The following ROBO2 variants were observed in gnomAD, a reference collection of about 807,000 sequenced individuals.
ROBO2 encodes the protein roundabout guidance receptor 2.
Under a neutral mutation model 160.8 loss-of-function variants are expected in ROBO2, and 53 were observed. The observed-to-expected ratio is 0.33, with a 90% CI of 0.26 to 0.41. The LOEUF is 0.41. Ranked by LOEUF, ROBO2 falls within the 10% of genes least tolerant of loss-of-function variation. The pLI, the probability that ROBO2 is intolerant of heterozygous loss-of-function variation, is 1.00. For missense variants in ROBO2, 1,577 were observed against 1,722.4 expected, an observed-to-expected ratio of 0.92 and a Z score of 1.49; for synonymous variants, 664 against 611.7, an observed-to-expected ratio of 1.09 and a Z score of -1.26.
At chr3:76,586,630 C>T (rs1231858353) in intron 2 of ROBO2, among the ~76,000 whole-genome samples, 2 of 152,200 alleles carry the variant, frequency 1.3e-5, no homozygotes, top group African/African-American at 4.8e-5. Context: ...CTTAATCTGA[C>T]ATTCCTCAAT....
At chr3:76,056,191 G>A (rs971605379) in intron 2 of ROBO2, among the ~76,000 whole-genome samples, 4 of 152,066 alleles carry the variant, frequency 2.6e-5, no homozygotes, top group African/African-American at 7.2e-5. Context: ...TAAAGTATAC[G>A]GGAGGATGCG....
intron 1 of ROBO2, among the ~76,000 whole-genome samples, chr3:77,042,893 C>A (rs1027460664): frequency 3.3e-5 from 5 of 152,124 alleles, no homozygotes; most frequent in Admixed American, 2.0e-4. Flanking sequence ...GTGAAAAATG[C>A]CAAAATTGAG....
chr3:76,075,627 C>G lies in ROBO2; in HGVS notation c.109+138025C>G, dbSNP rs1401815764. 2.0e-5 allele frequency among the ~76,000 whole-genome samples: 3 copies of G among 152,156 alleles called. No homozygotes were observed. In the South Asian group the frequency reaches 6.2e-4, roughly 31 times the overall value. On this transcript the variant is annotated intron_variant, in intron 2 of 26. Coordinates refer to the ROBO2 transcript ENST00000487694. Reference sequence around the variant, plus strand: ...TTTTTAAACCAGGTATCACTCCATTCAAATCAGTGATTCGCTGTAGTATCC... The same window carrying G: ...TTTTTAAACCAGGTATCACTCCATTGAAATCAGTGATTCGCTGTAGTATCC...
intron 2 of ROBO2, among the ~76,000 whole-genome samples, chr3:77,281,893 G>A (rs1040041933): frequency 1.3e-5 from 2 of 152,100 alleles, no homozygotes; most frequent in African/African-American, 2.4e-5. Flanking sequence ...ATCTAATGCC[G>A]CTGCTGATCT....
chr3:76,999,326 C>T (rs4855967), intron 2 of ROBO2, among the ~76,000 whole-genome samples: 85,126 of 151,614 alleles, frequency 0.56, 24,147 homozygotes, highest in East Asian at 0.8. Flanking sequence ...AAGGTTATTA[C>T]GAAATAAAAG....
intron 2 of ROBO2, among the ~76,000 whole-genome samples, chr3:76,323,173 A>ACACACACACACACC (rs1185191053): frequency 1.3e-5 from 2 of 150,972 alleles, no homozygotes; most frequent in South Asian, 2.1e-4. Flanking sequence ...ACACACACAC[A>ACACACACACACACC]CACCCCTAAA....
chr3:77,562,682 C>T lies in ROBO2; in HGVS notation c.1469C>T (p.Ala490Val). The change falls in exon 10 of 26, where the codon GCT becomes GTT. Residue 490 changes from alanine (A) to valine (V), a missense_variant. Around this residue, in one of 2 missense-constraint regions of ROBO2, gnomAD observed 940 missense variants for 1,135.5 expected, o/e 0.83. Transcript: ENST00000461745. ...GATACTGGCACTTATACTTGTGTGG[C>T]TACAAGTTCAAGTGGAGAGACTTCC... 2.5e-6 allele frequency: 4 copies of T among 1,612,382 alleles called. No individual in the cohort carries two copies. In the East Asian group the frequency reaches 8.9e-5, roughly 36 times the overall value.
intron 2 of ROBO2, among the ~76,000 whole-genome samples, chr3:76,789,802 T>C (rs1160293961): frequency 1.3e-5 from 2 of 151,624 alleles, no homozygotes; most frequent in Non-Finnish European, 3.0e-5. Context: ...AGGAATGTCA[T>C]GTATTAAGTC....
At chr3:77,496,578 A>G (rs1582462630) in intron 5 of ROBO2, among the ~76,000 whole-genome samples, 2 of 152,152 alleles carry the variant, frequency 1.3e-5, no homozygotes, top group African/African-American at 2.4e-5. Flanking sequence ...GGTGTGGTGC[A>G]TGACATTTCT....
chr3:76,062,107 A>G (rs2068087439), intron 2 of ROBO2, among the ~76,000 whole-genome samples: 1 of 152,138 alleles, frequency 6.6e-6, no homozygotes, highest in South Asian at 2.1e-4. Flanking sequence ...TGTGCTATGT[A>G]ACCTAACACA....
intron 2 of ROBO2, among the ~76,000 whole-genome samples, chr3:76,460,895 A>G (rs985400742): frequency 9.2e-5 from 14 of 152,236 alleles, no homozygotes; most frequent in Non-Finnish European, 1.8e-4. Flanking sequence ...AGTGATTAAG[A>G]CTGTGATAGC....
intron 2 of ROBO2, among the ~76,000 whole-genome samples, chr3:76,609,857 T>C (rs1038766461): frequency 6.6e-6 from 1 of 152,222 alleles, no homozygotes; most frequent in Non-Finnish European, 1.5e-5. Flanking sequence ...TGTGGGTCTG[T>C]CACATGTGGT....
chr3:77,103,238 C>T (rs1286092104), intron 2 of ROBO2, among the ~76,000 whole-genome samples: 2 of 152,076 alleles, frequency 1.3e-5, no homozygotes, highest in Non-Finnish European at 2.9e-5. Flanking sequence ...AGAGGGGGTT[C>T]TGGCCTAAAT....
intron 2 of ROBO2, among the ~76,000 whole-genome samples, chr3:77,299,885 C>T (rs1197281497): frequency 1.3e-5 from 2 of 151,872 alleles, no homozygotes; most frequent in African/African-American, 4.8e-5. Flanking sequence ...AAATGGAGAC[C>T]CCAAGTTGGT....
At chr3:76,201,429 C>T (rs1355049261) in intron 2 of ROBO2, among the ~76,000 whole-genome samples, 1 of 152,062 alleles carries the variant, frequency 6.6e-6, no homozygotes, top group Admixed American at 6.6e-5. Flanking sequence ...GAAGACTTAC[C>T]TTAAGTTAGA....
intron 2 of ROBO2, among the ~76,000 whole-genome samples, chr3:76,518,065 T>C (rs1218413376): frequency 2.6e-5 from 4 of 152,184 alleles, no homozygotes. Context: ...AGATTTAGAA[T>C]ACATTGTAAT....
At chr3:77,429,372 G>A (rs950827650) in intron 2 of ROBO2, among the ~76,000 whole-genome samples, 1 of 151,932 alleles carries the variant, frequency 6.6e-6, no homozygotes, top group African/African-American at 2.4e-5. Context: ...GTACCCAACT[G>A]GTCAGAAAAC....
chr3:77,576,839 C>T (rs1234342283), intron 14 of ROBO2, among the ~76,000 whole-genome samples: 1 of 151,922 alleles, frequency 6.6e-6, no homozygotes, highest in Non-Finnish European at 1.5e-5. Context: ...ATTATTTTTC[C>T]CAGTATGGGA....
In ROBO2 at chr3:76,248,660, TA is replaced by T. The variant is rs551143290; in HGVS notation, c.109+311071del. Among the ~76,000 whole-genome samples, 364 of 115,760 alleles carry T rather than the reference TA, an allele frequency of 3.1e-3. 1 individual carries two copies. The highest frequency in any genetic ancestry group is 6.8e-3 in the African/African-American group (221 of 32,740). 75.9% of individuals were successfully genotyped at this position (115,760 alleles called of 152,430 possible). On this transcript the variant is annotated intron_variant, in intron 2 of 26. Coordinates refer to the ROBO2 transcript ENST00000487694. ...GTATAATAATAAAAGAAAAAAAACT[TA>T]AAAAAAAAAAAAGAAATTCTTCCAG...
Sources: allele counts gnomAD v4.1 joint callset (sites outside exome capture counted in the v4.1 genomes callset), GRCh38; gene constraint gnomAD v4.1.1; regional missense constraint gnomAD v4.1.1; transcripts MANE v1.5; gene names NCBI Gene and HGNC (gene_info 2026-07-23, HGNC 2026-07-21).